PPIE: variants seen among roughly 807,000 people sequenced by gnomAD.
PPIE encodes the protein peptidyl-prolyl cis-trans isomerase E.
A neutral mutation model predicts 38.4 loss-of-function variants in PPIE; 20 were observed. The observed-to-expected ratio is 0.52, with a 90% CI of 0.37 to 0.76. The LOEUF (loss-of-function observed/expected upper bound fraction) is 0.76, where lower values mean the gene tolerates loss of function less well. PPIE is among the 30% of genes least tolerant of loss of function. The pLI, the probability that PPIE is intolerant of heterozygous loss-of-function variation, is 0.00. For synonymous variants in PPIE, 142 were observed against 135.7 expected, an observed-to-expected ratio of 1.05 and a Z score of -0.32; for missense variants, 322 against 385.8, an observed-to-expected ratio of 0.83 and a Z score of 1.39.
intron 1 of PPIE, among the ~76,000 whole-genome samples, chr1:39,739,819 G>A (rs1647014291): frequency 6.6e-6 from 1 of 152,168 alleles, no homozygotes; most frequent in Non-Finnish European, 1.5e-5. Context: ...TTATCCTGAG[G>A]ACAGTGGGAA....
chr1:39,760,448 T>C, downstream of PPIE: 1 of 1,614,094 alleles, frequency 6.2e-7, no homozygotes, highest in Non-Finnish European at 8.5e-7. Flanking sequence ...TTGACCACCA[T>C]GTTGCGGTGC....
rs767593493 is a variant in PPIE, at chr1:39,754,832, TG to T, written c.*1480del. Among the ~76,000 whole-genome samples the T allele has an allele frequency of 6.6e-6, 1 of 152,142 alleles. No homozygotes were observed. The highest frequency in any genetic ancestry group is 1.5e-5 in the Non-Finnish European group (1 of 68,020). Reference sequence around the variant, plus strand: ...ATGGTCATGCCACTGTACTCCAGCCTGGGTGACAAGAGGGAGACCCTGTCTT... The same window carrying T: ...ATGGTCATGCCACTGTACTCCAGCCTGGTGACAAGAGGGAGACCCTGTCTT... On this transcript the variant is annotated 3_prime_UTR_variant, in exon 10 of 10. Coordinates refer to ENST00000324379, the MANE Select transcript of PPIE (RefSeq NM_006112.4).
rs1159397776 is a variant in PPIE, at chr1:39,754,132, T to G, written c.*777T>G. 4 of 916,940 alleles carry G rather than the reference T, an allele frequency of 4.4e-6. No individual in the cohort carries two copies. Among genetic ancestry groups the G allele is most frequent in the Non-Finnish European group, 5.2e-6 (4 of 767,860 alleles). 56.8% of individuals were successfully genotyped at this position (916,940 alleles called of 1,614,324 possible). On this transcript the variant is annotated 3_prime_UTR_variant, in exon 10 of 10. Transcript: ENST00000324379. ...TGTGCCTAATCCAGCCCACTGCCTGTTTTTATGAATCAGGTTTTATTGGAA... is the reference window on the plus strand; with the variant it reads ...TGTGCCTAATCCAGCCCACTGCCTGGTTTTATGAATCAGGTTTTATTGGAA...
chr1:39,747,426 A>T (rs944343146), intron 7 of PPIE: 10 of 138,438 alleles, frequency 7.2e-5, no homozygotes, highest in African/African-American at 2.6e-4. Context: ...CCAGCAATGT[A>T]TGAGTGTTTC....
At chr1:39,743,741 C>T in intron 5 of PPIE, 83 bp from the exon 6 acceptor site, 2 of 1,113,988 alleles carry the variant, frequency 1.8e-6, no homozygotes, top group Non-Finnish European at 1.3e-6. Flanking sequence ...CACATAGCAT[C>T]TTCCACTTTG....
intron 7 of PPIE, chr1:39,747,322 A>C (rs1647252260): frequency 6.6e-6 from 1 of 152,204 alleles, no homozygotes; most frequent in African/African-American, 2.4e-5. Context: ...ATGCCTAGGA[A>C]TGGAAATGCT....
At chr1:39,750,359 G>A (rs1289654146) in intron 8 of PPIE, among the ~76,000 whole-genome samples, 3 of 152,160 alleles carry the variant, frequency 2.0e-5, no homozygotes, top group Admixed American at 6.5e-5. Context: ...AGTTCTTGGC[G>A]ATCATCTTAT....
At position 39,755,602 on chromosome 1, in the gene PPIE, G is replaced by C; in HGVS notation, c.*2247G>C. Reference sequence around the variant, plus strand: ...ATAGCACTGACTTCAGTGCTTGGACGAGAACCAGGAGAGAGTGTGTAGAAA... The same window carrying C: ...ATAGCACTGACTTCAGTGCTTGGACCAGAACCAGGAGAGAGTGTGTAGAAA... On this transcript the variant is annotated 3_prime_UTR_variant, in exon 10 of 10. Coordinates refer to ENST00000324379, the MANE Select transcript of PPIE (RefSeq NM_006112.4). 1.0e-6 allele frequency: 1 copy of C among 985,388 alleles called. No individual in the cohort carries two copies. Among genetic ancestry groups the C allele is most frequent in the Non-Finnish European group, 1.2e-6 (1 of 829,924 alleles). 61.0% of individuals were successfully genotyped at this position (985,388 alleles called of 1,614,324 possible).
At position 39,753,889 on chromosome 1, in the gene PPIE, G is replaced by A. The variant is rs1478044097; in HGVS notation, c.*534G>A. 2.0e-6 allele frequency: 2 copies of A among 985,388 alleles called. No individual in the cohort carries two copies. The highest frequency in any genetic ancestry group is 1.1e-4 in the East Asian group (1 of 8,822). 61.0% of individuals were successfully genotyped at this position (985,388 alleles called of 1,614,324 possible). ...ACCAGGCATCGATGTCAGGGCAACG[G>A]AAATTAAAGACTGGAAAGCTCCGGT... On this transcript the variant is annotated 3_prime_UTR_variant, in exon 10 of 10. Coordinates refer to ENST00000324379, the MANE Select transcript of PPIE (RefSeq NM_006112.4).
intron 8 of PPIE, 41 bp downstream of exon 8, chr1:39,749,129 A>G: frequency 6.5e-7 from 1 of 1,545,330 alleles, no homozygotes; most frequent in Non-Finnish European, 8.7e-7. Context: ...GAGGCTGGGC[A>G]AGGGTGGGAT....
chr1:39,753,621 C>T lies in PPIE; in HGVS notation c.*266C>T, dbSNP rs553633347. On this transcript the variant is annotated 3_prime_UTR_variant, in exon 10 of 10. Coordinates refer to ENST00000324379, the MANE Select transcript of PPIE (RefSeq NM_006112.4). ...GCAAAAAGCCACTGGCTTTTCTCAG[C>T]ATTTGCTGCTGGGCCTCTCCTGGGA... 2.3e-6 allele frequency: 3 copies of T among 1,315,222 alleles called. No homozygotes were observed. The highest frequency in any genetic ancestry group is 6.3e-5 in the East Asian group (2 of 31,868). The allele number at this position is 1,315,222 out of a possible 1,614,324, so 81.5% of individuals were successfully genotyped here. A position where few individuals can be genotyped will look rare whatever the true frequency, so the allele number is the denominator to read the frequency against.
downstream of PPIE, chr1:39,758,070 C>G (rs1297197147): frequency 6.6e-6 from 1 of 152,114 alleles, no homozygotes; most frequent in African/African-American, 2.4e-5. Flanking sequence ...TTGGTGCACC[C>G]CTAACTATGC....
chr1:39,745,041 A>G (rs1647158290), intron 6 of PPIE, among the ~76,000 whole-genome samples: 2 of 152,174 alleles, frequency 1.3e-5, no homozygotes, highest in African/African-American at 2.4e-5. Context: ...AGATACTGAG[A>G]GTTGTGGATC....
chr1:39,757,352 T>C (rs560274282), downstream of PPIE: 1 of 152,366 alleles, frequency 6.6e-6, no homozygotes, highest in East Asian at 1.9e-4. Flanking sequence ...AAAGAACCAA[T>C]ATCATACTCT....
At chr1:39,749,994 G>A (rs784198) in intron 8 of PPIE, among the ~76,000 whole-genome samples, 17 of 152,082 alleles carry the variant, frequency 1.1e-4, no homozygotes, top group African/African-American at 3.4e-4. Context: ...TTAGCCGGGC[G>A]TGGTGGCGCG....
chr1:39,763,722 A>C (rs1649362373), exon 10 of PPIE: 1 of 1,600,934 alleles, frequency 6.2e-7, no homozygotes, highest in Non-Finnish European at 8.5e-7. Flanking sequence ...CAGCCAGCCG[A>C]GGTCCTGGAA....
At chr1:39,752,435 G>C (rs1353357954) in intron 8 of PPIE, among the ~76,000 whole-genome samples, 1 of 152,094 alleles carries the variant, frequency 6.6e-6, no homozygotes, top group African/African-American at 2.4e-5. Flanking sequence ...AGAAACTTAG[G>C]AGTCATTGTG....
intron 4 of PPIE, 167 bp from the exon 5 acceptor site, chr1:39,743,049 T>C: frequency 1.7e-6 from 1 of 582,306 alleles, no homozygotes; most frequent in Non-Finnish European, 3.1e-6. Flanking sequence ...GGGGTGTGAG[T>C]TCCCTGAAAC....
In PPIE at chr1:39,756,335, CA is replaced by C; in HGVS notation, c.*2981del. The C allele has an allele frequency of 1.0e-6, 1 of 985,444 alleles. No individual in the cohort carries two copies. The highest frequency in any genetic ancestry group is 1.2e-6 in the Non-Finnish European group (1 of 829,928). The allele number at this position is 985,444 out of a possible 1,614,324, so 61.0% of individuals were successfully genotyped here. On this transcript the variant is annotated 3_prime_UTR_variant, in exon 10 of 10. Coordinates refer to ENST00000324379, the MANE Select transcript of PPIE (RefSeq NM_006112.4). Reference sequence around the variant, plus strand: ...GCTGGACCAGCACCAGGACTGGGCACAGGGCTTCCTTTTGCTGATTCATTTC... The same window carrying C: ...GCTGGACCAGCACCAGGACTGGGCACGGGCTTCCTTTTGCTGATTCATTTC...
Sources: gnomAD v4.1 joint callset for allele counts (sites outside exome capture counted in the v4.1 genomes callset) on GRCh38, gnomAD v4.1.1 for gene constraint, MANE v1.5 for transcripts, NCBI Gene and HGNC (gene_info 2026-07-23, HGNC 2026-07-21) for gene names.